The following HNMT variants were observed in gnomAD, a reference collection of about 807,000 sequenced individuals.
HNMT encodes the protein histamine N-methyltransferase.
Under a neutral mutation model 32.1 loss-of-function variants are expected in HNMT, and 30 were observed. The observed-to-expected ratio is 0.93, with a 90% CI of 0.70 to 1.27. The LOEUF (loss-of-function observed/expected upper bound fraction) is 1.27. Among genes scored for constraint, HNMT ranks in the 50% most tolerant of loss-of-function variants. The probability of loss-of-function intolerance (pLI) is 0.00; values close to 1 mark genes in which losing one functional copy is unlikely to be tolerated. For missense variants in HNMT, 327 were observed against 346.0 expected (o/e 0.95, Z 0.43); for synonymous variants, 125 against 119.0 (o/e 1.05, Z -0.33).
chr2:137,979,076 T>C (rs1461998711), intron 2 of HNMT, among the ~76,000 whole-genome samples: 1 of 144,854 alleles, frequency 6.9e-6, no homozygotes, highest in Non-Finnish European at 1.5e-5. Flanking sequence ...ATAGTTCATA[T>C]ATGTTTATAG....
At chr2:137,975,977 A>G (rs1680274197) in intron 2 of HNMT, among the ~76,000 whole-genome samples, 1 of 152,178 alleles carries the variant, frequency 6.6e-6, no homozygotes, top group Non-Finnish European at 1.5e-5. Context: ...TCAGTGTAAG[A>G]GCCTGTTGGC....
intron 2 of HNMT, chr2:137,981,237 C>T (rs1319830927): frequency 6.2e-7 from 1 of 1,613,370 alleles, no homozygotes; most frequent in Admixed American, 1.7e-5. Context: ...CGGGGAAGCT[C>T]CAGGGTTCTC....
rs1377512707 is a variant in HNMT at position 138,002,066 on chromosome 2, C to T, written c.301C>T (p.Leu101Phe). ...SAEQIAKYKE[L>F]VAKTSNLENV... ...GTCACCTCTTCTCTGTATTTTAGAG[C>T]TTGTAGCCAAGACATCGAACCTCGA... The change falls in exon 4 of 6, where the codon CTT becomes TTT. Residue 101 changes from leucine to phenylalanine, a missense_variant and splice_region_variant. Coordinates refer to ENST00000280097, the MANE Select transcript of HNMT (RefSeq NM_006895.3). 3.2e-6 allele frequency: 5 copies of T among 1,568,960 alleles called. No homozygotes were observed. The highest frequency in any genetic ancestry group is 4.3e-6 in the Non-Finnish European group (5 of 1,160,880).
chr2:138,008,607 C>A (rs77172832), intron 5 of HNMT, among the ~76,000 whole-genome samples: 4 of 151,824 alleles, frequency 2.6e-5, no homozygotes, highest in Non-Finnish European at 5.9e-5. Context: ...AATAGAGAGA[C>A]CAGAAATAAG....
intron 2 of HNMT, among the ~76,000 whole-genome samples, chr2:137,996,434 G>T (rs930523593): frequency 1.3e-5 from 2 of 152,058 alleles, no homozygotes; most frequent in African/African-American, 4.8e-5. Context: ...GCTACAAAGA[G>T]AATAAAATAC....
intron 1 of HNMT, chr2:137,967,258 A>C: frequency 1.6e-6 from 1 of 622,212 alleles, no homozygotes; most frequent in South Asian, 1.8e-5. Context: ...AAAAAAGTGA[A>C]AAAGTTAGCT....
At chr2:137,995,958 A>C (rs781465166) in intron 2 of HNMT, among the ~76,000 whole-genome samples, 1 of 152,224 alleles carries the variant, frequency 6.6e-6, no homozygotes, top group Non-Finnish European at 1.5e-5. Flanking sequence ...GCCTTTGATA[A>C]AATTAAACTA....
At chr2:138,007,765 A>G (rs1020106937) in intron 5 of HNMT, among the ~76,000 whole-genome samples, 1 of 151,940 alleles carries the variant, frequency 6.6e-6, no homozygotes, top group African/African-American at 2.4e-5. Context: ...CTTCTCCAAA[A>G]CACCATTCTT....
intron 2 of HNMT, among the ~76,000 whole-genome samples, chr2:137,993,727 A>C (rs149544672): frequency 1.6e-3 from 240 of 152,256 alleles, no homozygotes; most frequent in Non-Finnish European, 2.7e-3. Flanking sequence ...CATAATCATC[A>C]GATTGAAGAT....
chr2:137,995,996 C>T (rs1680981093), intron 2 of HNMT, among the ~76,000 whole-genome samples: 3 of 152,102 alleles, frequency 2.0e-5, no homozygotes, highest in Admixed American at 2.0e-4. Flanking sequence ...TCTCAATAAA[C>T]TAGATATTAA....
At chr2:138,000,432 C>G (rs1053864194) in intron 2 of HNMT, among the ~76,000 whole-genome samples, 30 of 151,582 alleles carry the variant, frequency 2.0e-4, no homozygotes, top group African/African-American at 6.6e-4. Flanking sequence ...CTTTATTTTA[C>G]CTGACATATG....
At position 137,981,333 on chromosome 2, in the gene HNMT, T is replaced by G; in HGVS notation, c.190+11116T>G. The G allele has an allele frequency of 1.9e-6, 3 of 1,613,318 alleles. No individual in the cohort carries two copies. The South Asian group carries it at 3.3e-5, about 18-fold the overall frequency. Reference sequence around the variant, plus strand: ...ATCCATGATGAGCGCTCTTCTGAGTTGCCATTTGGAGCTGCCCGTTTAGAA... The same window carrying G: ...ATCCATGATGAGCGCTCTTCTGAGTGGCCATTTGGAGCTGCCCGTTTAGAA... On this transcript the variant is annotated intron_variant, in intron 2 of 5. Coordinates refer to ENST00000280097, the MANE Select transcript of HNMT (RefSeq NM_006895.3).
intron 2 of HNMT, among the ~76,000 whole-genome samples, chr2:137,983,973 C>T (rs1057424890): frequency 6.6e-5 from 10 of 152,106 alleles, no homozygotes; most frequent in African/African-American, 1.9e-4. Flanking sequence ...TTCTGGTTTC[C>T]CTCAATATAT....
intron 2 of HNMT, among the ~76,000 whole-genome samples, chr2:137,972,167 T>G (rs1283959346): frequency 1.3e-5 from 2 of 152,106 alleles, no homozygotes; most frequent in Non-Finnish European, 2.9e-5. Context: ...TACAGTGGCA[T>G]GATCTTGGCT....
At chr2:138,010,012 A>G (rs1299628416) in intron 5 of HNMT, among the ~76,000 whole-genome samples, 7 of 152,018 alleles carry the variant, frequency 4.6e-5, no homozygotes, top group African/African-American at 1.7e-4. Context: ...TTCTGTTTTT[A>G]TTAAGATTCT....
intron 2 of HNMT, among the ~76,000 whole-genome samples, chr2:137,981,875 A>G (rs957095983): frequency 1.3e-5 from 2 of 152,052 alleles, no homozygotes; most frequent in African/African-American, 4.8e-5. Context: ...CTATTTTGAA[A>G]CAGAGTCTTT....
intron 2 of HNMT, chr2:137,988,444 T>C (rs1181162412): frequency 1.3e-5 from 2 of 152,234 alleles, no homozygotes; most frequent in Admixed American, 1.3e-4. Context: ...TGATGATGGA[T>C]AGCAAACAGC....
At chr2:138,001,823 C>T (rs1018897779) in intron 3 of HNMT, among the ~76,000 whole-genome samples, 7 of 152,018 alleles carry the variant, frequency 4.6e-5, no homozygotes, top group African/African-American at 1.7e-4. Context: ...GACAATATAA[C>T]CTATTCTGCC....
chr2:137,970,652 G>A (rs1360737397), intron 2 of HNMT, among the ~76,000 whole-genome samples: 1 of 152,106 alleles, frequency 6.6e-6, no homozygotes, highest in Non-Finnish European at 1.5e-5. Flanking sequence ...TGGGCGCGGT[G>A]GCTCACGCCT....
Sources: allele counts gnomAD v4.1 joint callset (sites outside exome capture counted in the v4.1 genomes callset), GRCh38; gene constraint gnomAD v4.1.1; transcripts MANE v1.5; gene names NCBI Gene and HGNC (gene_info 2026-07-23, HGNC 2026-07-21).